MYBPC1: variants seen among roughly 807,000 people sequenced by gnomAD.
MYBPC1 encodes myosin-binding protein C, slow-type.
Under a neutral mutation model 147.1 loss-of-function variants are expected in MYBPC1, and 52 were observed. That is an observed-to-expected ratio of 0.35 (90% CI 0.28 to 0.45). The LOEUF (loss-of-function observed/expected upper bound fraction) is 0.45, where lower values mean the gene tolerates loss of function less well. MYBPC1 is among the 20% of genes least tolerant of loss of function. The pLI, the probability that MYBPC1 is intolerant of heterozygous loss-of-function variation, is 1.00. For missense variants in MYBPC1, 1,228 were observed against 1,440.3 expected (o/e 0.85, Z 2.39); for synonymous variants, 477 against 475.9 (o/e 1.00, Z -0.03).
chr12:101,636,286 CAG>C (rs138141787), intron 9 of MYBPC1, among the ~76,000 whole-genome samples: 2,168 of 152,270 alleles, frequency 0.014, 63 homozygotes, highest in African/African-American at 0.049. Context: ...ACATGAATAA[CAG>C]AGATCAGCAA....
chr12:101,598,540 C>T lies in MYBPC1; in HGVS notation c.25+3445C>T, dbSNP rs116842673. On this transcript the variant is annotated intron_variant, in intron 1 of 31. Coordinates refer to ENST00000361466, the MANE Select transcript of MYBPC1 (RefSeq NM_002465.4). The stretch of plus-strand genomic sequence containing the variant: ...TAAAGCCTGATTCTTTAACATCCTG[C>T]GACAACTGTTAACTGGATTCCTTTA... Among the ~76,000 whole-genome samples, 384 of 152,140 alleles carry T rather than the reference C, an allele frequency of 2.5e-3. 5 individuals carry two copies. Among genetic ancestry groups the T allele is most frequent in the East Asian group, 0.019 (97 of 5,164 alleles).
intron 5 of MYBPC1, among the ~76,000 whole-genome samples, chr12:101,628,400 A>G (rs1172121963): frequency 6.6e-6 from 1 of 152,256 alleles, no homozygotes; most frequent in Non-Finnish European, 1.5e-5. Context: ...GGGTGTTTAA[A>G]AATATGTAAT....
Position 101,644,804 on chromosome 12 carries a change from G to A in MYBPC1, c.965+8G>A. 6.2e-7 allele frequency: 1 copy of A among 1,613,228 alleles called. No individual in the cohort carries two copies. The highest frequency in any genetic ancestry group is 1.7e-4 in the Middle Eastern group (1 of 6,060). On this transcript the variant is annotated splice_region_variant and intron_variant, in intron 12 of 31. Coordinates refer to ENST00000361466, the MANE Select transcript of MYBPC1 (RefSeq NM_002465.4). ...AATTCGACCCAGTACCAAGTAAGTG[G>A]GCTTTGCAAAAATCAGTGATAGCTC...
downstream of MYBPC1, among the ~76,000 whole-genome samples, chr12:101,689,663 T>C (rs1951390242): frequency 6.6e-6 from 1 of 152,186 alleles, no homozygotes; most frequent in South Asian, 2.1e-4. Context: ...AGATTAATTA[T>C]AAGGTATTCA....
intron 3 of MYBPC1, among the ~76,000 whole-genome samples, chr12:101,623,408 A>T (rs1228048815): frequency 1.3e-5 from 2 of 152,224 alleles, no homozygotes; most frequent in African/African-American, 2.4e-5. Flanking sequence ...CATCACATGT[A>T]CCCCATAAAT....
intron 15 of MYBPC1, chr12:101,650,904 T>A: frequency 8.1e-6 from 3 of 370,264 alleles, no homozygotes; most frequent in South Asian, 6.8e-5. Context: ...AGTTGTGACC[T>A]CAGATGTAAA....
At position 101,629,341 on chromosome 12, in the gene MYBPC1, G is replaced by T. The variant is rs114780084; in HGVS notation, c.179-93G>T. On this transcript the variant is annotated intron_variant, in intron 5 of 31. Transcript: ENST00000361466. ...ATCTAGGTTTATTAGACAAAGAAAA[G>T]CTACAGCGTTGGTGAGAACAACAAA... is the stretch of plus-strand genomic sequence containing the variant. 2.0e-3 allele frequency: 1,709 copies of T among 846,962 alleles called. 13 individuals carry two copies. In the African/African-American group the frequency reaches 0.024, roughly 12 times the overall value. The allele number at this position is 846,962 out of a possible 1,614,324, so 52.5% of individuals were successfully genotyped here.
At chr12:101,678,861 G>A (rs1486028083) in intron 28 of MYBPC1, among the ~76,000 whole-genome samples, 7 of 152,160 alleles carry the variant, frequency 4.6e-5, no homozygotes, top group Admixed American at 3.3e-4. Flanking sequence ...TATATACCTT[G>A]ATCAGAAATA....
rs56384169 is a variant in MYBPC1, at chr12:101,663,097, G to A, written c.2222-329G>A. ...TTCAATGGAAAAAAATGTAATACAA[G>A]TTTGCACTTGGAAATTAGAGAGCAA... On this transcript the variant is annotated intron_variant, in intron 21 of 31. Coordinates refer to ENST00000361466, the MANE Select transcript of MYBPC1 (RefSeq NM_002465.4). Among the ~76,000 whole-genome samples, 2,382 of 151,906 alleles carry A rather than the reference G, an allele frequency of 0.016. 74 individuals carry two copies. The highest frequency in any genetic ancestry group is 0.055 in the African/African-American group (2,269 of 41,416).
chr12:101,668,840 A>G (rs1044013536), intron 23 of MYBPC1, among the ~76,000 whole-genome samples: 1 of 151,722 alleles, frequency 6.6e-6, no homozygotes, highest in African/African-American at 2.4e-5. Context: ...TAATTCCAGT[A>G]TTTTGGGAGG....
chr12:101,649,116 C>G, intron 14 of MYBPC1, 144 bp from the exon 15 acceptor site: 3 of 724,258 alleles, frequency 4.1e-6, no homozygotes, highest in Non-Finnish European at 7.0e-6. Flanking sequence ...GAGATTGATT[C>G]GTACATTTTT....
chr12:101,600,179 G>T (rs980102476), intron 1 of MYBPC1, among the ~76,000 whole-genome samples: 2 of 152,200 alleles, frequency 1.3e-5, no homozygotes, highest in Admixed American at 6.5e-5. Flanking sequence ...CTGGTCAAAG[G>T]TGGAAGTTAG....
At chr12:101,682,565 G>GAAAA (rs775316148) in intron 29 of MYBPC1, 39 bp from the exon 30 acceptor site, 3 of 1,575,310 alleles carry the variant, frequency 1.9e-6, no homozygotes, top group Non-Finnish European at 1.7e-6. Context: ...TGTCAACTGA[G>GAAAA]AATAAATAAA....
chr12:101,595,170 T>C, intron 1 of MYBPC1, 75 bp downstream of exon 1: 2 of 1,274,854 alleles, frequency 1.6e-6, no homozygotes, highest in Non-Finnish European at 2.3e-6. Flanking sequence ...TTCAAACAAA[T>C]AACAAATATC....
chr12:101,687,164 G>A (rs1187797635), downstream of MYBPC1, among the ~76,000 whole-genome samples: 1 of 151,944 alleles, frequency 6.6e-6, no homozygotes, highest in Non-Finnish European at 1.5e-5. Context: ...ATGTTGGTGT[G>A]CTGCACCCAT....
At chr12:101,650,571 G>A (rs372316299) in intron 15 of MYBPC1, among the ~76,000 whole-genome samples, 5 of 152,222 alleles carry the variant, frequency 3.3e-5, no homozygotes, top group African/African-American at 1.2e-4. Flanking sequence ...GCAGCAGGGG[G>A]GTAACCGCCC....
downstream of MYBPC1, among the ~76,000 whole-genome samples, chr12:101,686,264 G>A (rs1215148586): frequency 6.6e-6 from 1 of 152,230 alleles, no homozygotes; most frequent in Non-Finnish European, 1.5e-5. Context: ...ATGCATTCAT[G>A]CATTTAGGGT....
intron 23 of MYBPC1, among the ~76,000 whole-genome samples, chr12:101,669,493 G>T (rs867295131): frequency 1.3e-5 from 2 of 152,096 alleles, no homozygotes; most frequent in East Asian, 3.8e-4. Flanking sequence ...AGTTACTGTC[G>T]AACTCCAACA....
At chr12:101,665,454 G>A (rs184406063) in intron 22 of MYBPC1, among the ~76,000 whole-genome samples, 217 of 152,076 alleles carry the variant, frequency 1.4e-3, no homozygotes, top group Admixed American at 3.6e-3. Context: ...AAGATCGTGT[G>A]TTGTTTTGGA....
Sources: allele counts gnomAD v4.1 joint callset (sites outside exome capture counted in the v4.1 genomes callset), GRCh38; gene constraint gnomAD v4.1.1; transcripts MANE v1.5; gene names NCBI Gene and HGNC (gene_info 2026-07-23, HGNC 2026-07-21).